The following FHAD1 variants were observed in gnomAD, a reference collection of about 807,000 sequenced individuals.
FHAD1 encodes forkhead associated phosphopeptide binding domain 1, also known as forkhead-associated domain-containing protein 1.
Under a neutral mutation model 191.3 loss-of-function variants are expected in FHAD1, and 146 were observed. The ratio of observed to expected loss-of-function variants is 0.76; its 90% confidence interval spans 0.67 to 0.88. The LOEUF is 0.88. Ranked by LOEUF, FHAD1 falls within the 40% of genes least tolerant of loss-of-function variation. The pLI is 0.00. For missense variants in FHAD1, 1,635 were observed against 1,785.8 expected (o/e 0.92, Z 1.52); for synonymous variants, 616 against 672.3 (o/e 0.92, Z 1.29).
intron 33 of FHAD1, chr1:15,392,969 G>C (rs1704600929): frequency 6.6e-6 from 1 of 151,986 alleles, no homozygotes; most frequent in Admixed American, 6.6e-5. Context: ...TCGCACAACA[G>C]ATATTAAGAG....
chr1:15,324,600 C>G, intron 11 of FHAD1, 41 bp downstream of exon 11: 1 of 1,397,400 alleles, frequency 7.2e-7, no homozygotes, highest in Non-Finnish European at 9.9e-7. Flanking sequence ...CCCACGCTCT[C>G]CAATGATTGC....
chr1:15,283,243 T>TA (rs1661226250), intron 3 of FHAD1, among the ~76,000 whole-genome samples: 1 of 152,206 alleles, frequency 6.6e-6, no homozygotes, highest in Admixed American at 6.5e-5. Flanking sequence ...GGGCGTGTCT[T>TA]ATGAAAAGCT....
rs1433131995 is a variant in FHAD1, at chr1:15,289,782, G to T, written c.568+116G>T. Reference sequence around the variant, plus strand: ...TAGAACATATTCAATTGTAAAAAATGAAAATAAATTCAGGATAAGCAGAAA... The same window carrying T: ...TAGAACATATTCAATTGTAAAAAATTAAAATAAATTCAGGATAAGCAGAAA... On this transcript the variant is annotated intron_variant, in intron 4 of 33. Coordinates refer to ENST00000688493, the MANE Select transcript of FHAD1 (RefSeq NM_001391957.1). This position sits in a 1 kb window ranked among gnomAD's most constrained non-coding sequence, Gnocchi z 4.2. The T allele has an allele frequency of 7.2e-7, 1 of 1,393,732 alleles. No individual in the cohort carries two copies. Among genetic ancestry groups the T allele is most frequent in the African/African-American group, 1.5e-5 (1 of 68,898 alleles). The allele number at this position is 1,393,732 out of a possible 1,614,324, so 86.3% of individuals were successfully genotyped here. A position where few individuals can be genotyped will look rare whatever the true frequency, so the allele number is the denominator to read the frequency against.
chr1:15,388,803 T>C (rs866930814), intron 32 of FHAD1, among the ~76,000 whole-genome samples: 18 of 152,160 alleles, frequency 1.2e-4, no homozygotes, highest in African/African-American at 4.1e-4. Context: ...CTTGCTGGAC[T>C]TTCCCCCTAG....
At chr1:15,335,680 C>A (rs573098720) in intron 14 of FHAD1, among the ~76,000 whole-genome samples, 28 of 152,276 alleles carry the variant, frequency 1.8e-4, no homozygotes, top group African/African-American at 5.8e-4. Flanking sequence ...ACACTTCCCA[C>A]ATTATGAATT....
upstream of FHAD1, among the ~76,000 whole-genome samples, chr1:15,246,495 T>C (rs1646055440): frequency 1.1e-5 from 1 of 94,120 alleles, no homozygotes; most frequent in African/African-American, 3.1e-5. Flanking sequence ...TGGCGGGAGA[T>C]AGGATTTGCA....
intron 26 of FHAD1, among the ~76,000 whole-genome samples, chr1:15,371,479 TG>T (rs1698072430): frequency 6.6e-6 from 1 of 152,170 alleles, no homozygotes; most frequent in Non-Finnish European, 1.5e-5. Context: ...GCTTAAGAGT[TG>T]TATGAGAAAG....
At position 15,318,306 on chromosome 1, in the gene FHAD1, C is replaced by T. The variant is rs1460029352; in HGVS notation, c.1365+378C>T. 6.6e-6 allele frequency among the ~76,000 whole-genome samples: 1 copy of T among 152,220 alleles called. No homozygotes were observed. The highest frequency in any genetic ancestry group is 1.5e-5 in the Non-Finnish European group (1 of 68,042). On this transcript the variant is annotated intron_variant, in intron 10 of 33. Coordinates refer to ENST00000688493, the MANE Select transcript of FHAD1 (RefSeq NM_001391957.1). This position sits in a 1 kb window ranked among gnomAD's most constrained non-coding sequence, Gnocchi z 4.1. ...TTGTATTGCATACTCCAGACCTGCG[C>T]TATCCATAACAGTAGCCACTAACCG... is the stretch of plus-strand genomic sequence containing the variant.
intron 6 of FHAD1, 105 bp downstream of exon 6, chr1:15,301,546 A>G: frequency 2.3e-6 from 2 of 876,362 alleles, no homozygotes; most frequent in Non-Finnish European, 3.5e-6. Flanking sequence ...ACGCGTGGTC[A>G]GTGGAGCATG....
chr1:15,240,642 AAAAAAG>A (rs1203079228), intron 1 of FHAD1, among the ~76,000 whole-genome samples: 2 of 150,440 alleles, frequency 1.3e-5, no homozygotes, highest in African/African-American at 4.9e-5. Flanking sequence ...AAAAAAAAAA[AAAAAAG>A]AAAGAAAAAG....
chr1:15,360,457 G>C, intron 21 of FHAD1, 21 bp from the exon 22 acceptor site: 2 of 1,547,300 alleles, frequency 1.3e-6, no homozygotes, highest in South Asian at 2.4e-5. Flanking sequence ...AGACCTCACT[G>C]AGTGACTCTC....
chr1:15,378,811 G>A (rs1433535062), intron 28 of FHAD1, among the ~76,000 whole-genome samples: 2 of 152,034 alleles, frequency 1.3e-5, no homozygotes, highest in East Asian at 1.9e-4. Flanking sequence ...GGTAAATGCT[G>A]CAAGCTGACA....
chr1:15,282,484 A>T (rs775963152), intron 3 of FHAD1, among the ~76,000 whole-genome samples: 10 of 152,192 alleles, frequency 6.6e-5, no homozygotes, highest in African/African-American at 2.2e-4. Context: ...GTAGCAACTG[A>T]TGAATGTTTC....
rs1672278940 is a variant in FHAD1 at position 15,311,548 on chromosome 1, G to C, written c.1040-1509G>C. Among the ~76,000 whole-genome samples the C allele has an allele frequency of 6.6e-6, 1 of 152,130 alleles. No homozygotes were observed. Among genetic ancestry groups the C allele is most frequent in the South Asian group, 2.1e-4 (1 of 4,826 alleles). Reference sequence around the variant, plus strand: ...CCAGAGAGAGCAGTCTGTTTCTAAGGAACTTAACTGTGTCCCCGGACGAAG... The same window carrying C: ...CCAGAGAGAGCAGTCTGTTTCTAAGCAACTTAACTGTGTCCCCGGACGAAG... On this transcript the variant is annotated intron_variant, in intron 7 of 33. Coordinates refer to ENST00000688493, the MANE Select transcript of FHAD1 (RefSeq NM_001391957.1). The surrounding 1 kb of genome is among the most constrained non-coding windows in gnomAD (Gnocchi z 4.1).
chr1:15,356,922 G>A (rs1342281858), intron 20 of FHAD1, among the ~76,000 whole-genome samples: 1 of 151,952 alleles, frequency 6.6e-6, no homozygotes, highest in African/African-American at 2.4e-5. Flanking sequence ...ATGTCTCAAT[G>A]TCATCGAACA....
intron 18 of FHAD1, among the ~76,000 whole-genome samples, chr1:15,347,016 C>T (rs1243353541): frequency 6.6e-6 from 1 of 152,220 alleles, no homozygotes; most frequent in Non-Finnish European, 1.5e-5. Flanking sequence ...CCTTGCCCAC[C>T]CACTGCTGCA....
At position 15,296,693 on chromosome 1, in the gene FHAD1, A is replaced by C; in HGVS notation, c.578A>C (p.Asn193Thr). 6.4e-7 allele frequency: 1 copy of C among 1,552,232 alleles called. No homozygotes were observed. Among genetic ancestry groups the C allele is most frequent in the Non-Finnish European group, 8.7e-7 (1 of 1,147,090 alleles). The change falls in exon 5 of 34, where the codon AAT becomes ACT. Residue 193 changes from asparagine (N) to threonine (T), a missense_variant. Asn to Thr is a moderately conservative substitution (Grantham distance 65). Transcript: ENST00000688493. The part of the protein sequence containing the change: ...KPPVIKQVWT[N>T]AMKLSEKSVA... The stretch of plus-strand genomic sequence containing the variant: ...TGATCTCACGCCTTAGTGTGGACCA[A>C]TGCCATGAAACTGTCAGAAAAATCA...
intron 1 of FHAD1, among the ~76,000 whole-genome samples, chr1:15,238,966 G>T (rs1320290283): frequency 2.0e-5 from 3 of 152,216 alleles, no homozygotes; most frequent in Non-Finnish European, 2.9e-5. Context: ...GGAGTGCAGT[G>T]GCATGATCAT....
chr1:15,275,667 T>C (rs115726969), intron 3 of FHAD1, among the ~76,000 whole-genome samples: 1 of 152,300 alleles, frequency 6.6e-6, no homozygotes, highest in Non-Finnish European at 1.5e-5. Flanking sequence ...CCTCGACCTG[T>C]GAGCTATAAA....
Sources: allele counts gnomAD v4.1 joint callset (sites outside exome capture counted in the v4.1 genomes callset), GRCh38; gene constraint gnomAD v4.1.1; non-coding constraint Gnocchi (gnomAD v3.1); transcripts MANE v1.5; gene names NCBI Gene and HGNC (gene_info 2026-07-23, HGNC 2026-07-21).